The following SLC6A3 variants were observed in gnomAD, a reference collection of about 807,000 sequenced individuals.
SLC6A3 encodes solute carrier family 6 member 3, also known as sodium-dependent dopamine transporter.
Under a neutral mutation model 70.4 loss-of-function variants are expected in SLC6A3, and 19 were observed. The observed-to-expected ratio is 0.27, with a 90% CI of 0.19 to 0.40. The LOEUF (loss-of-function observed/expected upper bound fraction) is 0.40. Among genes scored for constraint, SLC6A3 ranks in the 10% least tolerant of loss-of-function variants. The pLI is 1.00. For missense variants in SLC6A3, 613 were observed against 838.5 expected (o/e 0.73, Z 3.32); for synonymous variants, 368 against 356.6 (o/e 1.03, Z -0.36).
Position 1,401,727 on chromosome 5 carries a change from C to T in SLC6A3, c.1768-741G>A, listed in dbSNP as rs1416361131. Among the ~76,000 whole-genome samples, 1 of 152,226 alleles carries T rather than the reference C, an allele frequency of 6.6e-6. No homozygotes were observed. The highest frequency in any genetic ancestry group is 1.5e-5 in the Non-Finnish European group (1 of 68,040). On this transcript the variant is annotated intron_variant, in intron 13 of 14. Transcript: ENST00000270349. The surrounding 1 kb of genome is among the most constrained non-coding windows in gnomAD (Gnocchi z 6.1). ...TAAGGGCGCTGGCTGTTCAGGTCCGCCGGGCTGTAGGCATCCTCCAGCTCT... is the reference window on the plus strand; with the variant it reads ...TAAGGGCGCTGGCTGTTCAGGTCCGTCGGGCTGTAGGCATCCTCCAGCTCT...
Position 1,406,427 on chromosome 5 carries a change from G to A in SLC6A3, c.1499-139C>T. 1.3e-6 allele frequency: 1 copy of A among 756,514 alleles called. No individual in the cohort carries two copies. The highest frequency in any genetic ancestry group is 2.0e-5 in the Admixed American group (1 of 50,528). 46.9% of individuals were successfully genotyped at this position (756,514 alleles called of 1,614,324 possible). The stretch of plus-strand genomic sequence containing the variant: ...TCGGCTGCACCCAGCCTCCTGCAGA[G>A]GAGGCCAGGCCACACCCCAGCCCAC... On this transcript the variant is annotated intron_variant, in intron 11 of 14. Coordinates refer to ENST00000270349, the MANE Select transcript of SLC6A3 (RefSeq NM_001044.5). The surrounding 1 kb of genome is among the most constrained non-coding windows in gnomAD (Gnocchi z 8.8).
chr5:1,401,318 G>C lies in SLC6A3; in HGVS notation c.1768-332C>G. 1 of 546,992 alleles carries C rather than the reference G, an allele frequency of 1.8e-6. No individual in the cohort carries two copies. Among genetic ancestry groups the C allele is most frequent in the Non-Finnish European group, 3.5e-6 (1 of 285,866 alleles). The allele number at this position is 546,992 out of a possible 1,614,324, so 33.9% of individuals were successfully genotyped here. The stretch of plus-strand genomic sequence containing the variant: ...ATGGCTCTTGAGTCTAAGCTACCAC[G>C]TGTGCTGGGCTCTGAGTAAGAAAGT... On this transcript the variant is annotated intron_variant, in intron 13 of 14. Transcript: ENST00000270349. This position sits in a 1 kb window ranked among gnomAD's most constrained non-coding sequence, Gnocchi z 6.1.
rs1756027748 is a variant in SLC6A3 at position 1,408,116 on chromosome 5, C to T, written c.1498+910G>A. On this transcript the variant is annotated intron_variant, in intron 11 of 14. Transcript: ENST00000270349. This position sits in a 1 kb window ranked among gnomAD's most constrained non-coding sequence, Gnocchi z 6.4. ...TCCGGGTTCAAGCTGAATCATATTC[C>T]ATCGTAAGTATACCATCAGTGTCTT... Among the ~76,000 whole-genome samples the T allele has an allele frequency of 6.6e-6, 1 of 152,022 alleles. No individual in the cohort carries two copies. Among genetic ancestry groups the T allele is most frequent in the African/African-American group, 2.4e-5 (1 of 41,366 alleles).
At chr5:1,415,951 C>G (rs1166588939) in intron 7 of SLC6A3, 147 bp downstream of exon 7, 2 of 698,604 alleles carry the variant, frequency 2.9e-6, no homozygotes, top group Non-Finnish European at 5.2e-6. Context: ...GCCTCGCTGT[C>G]GCTTCTGTCT....
chr5:1,422,106 A>G (rs1466350851), intron 4 of SLC6A3, 92 bp from the exon 5 acceptor site: 3 of 1,364,026 alleles, frequency 2.2e-6, no homozygotes, highest in Non-Finnish European at 3.1e-6. Context: ...TGCCCTCCCC[A>G]TCTCAGCAGG....
In SLC6A3 at chr5:1,394,838, G is replaced by C. The variant is rs1755677107; in HGVS notation, c.1840-80C>G. On this transcript the variant is annotated intron_variant, in intron 14 of 14. Coordinates refer to ENST00000270349, the MANE Select transcript of SLC6A3 (RefSeq NM_001044.5). This position sits in a 1 kb window ranked among gnomAD's most constrained non-coding sequence, Gnocchi z 4.7. ...CAGCTGAAGGTGGCTAAGAGCAGCT[G>C]AAGGCAGTGAGCAGACAGTTTGCAG... 3 of 1,498,260 alleles carry C rather than the reference G, an allele frequency of 2.0e-6. No individual in the cohort carries two copies. Among genetic ancestry groups the C allele is most frequent in the South Asian group, 1.1e-5 (1 of 88,656 alleles). The allele number at this position is 1,498,260 out of a possible 1,614,324, so 92.8% of individuals were successfully genotyped here.
chr5:1,425,037 G>C (rs1756547232), intron 4 of SLC6A3, among the ~76,000 whole-genome samples: 1 of 152,234 alleles, frequency 6.6e-6, no homozygotes, highest in South Asian at 2.1e-4. Flanking sequence ...GCAGGCCTAC[G>C]TGCAGGTGTT....
rs1733708718 is a variant in SLC6A3, at chr5:1,442,767, T to A, written c.286+145A>T. On this transcript the variant is annotated intron_variant, in intron 2 of 14. Transcript: ENST00000270349. This position sits in a 1 kb window ranked among gnomAD's most constrained non-coding sequence, Gnocchi z 5.0. ...GGTTTTGTGACATCCTCTGGGAGGA[T>A]CTGCACCGGCCGTGAGCTCTCACAG... 3 of 812,266 alleles carry A rather than the reference T, an allele frequency of 3.7e-6. No individual in the cohort carries two copies. Among genetic ancestry groups the A allele is most frequent in the Non-Finnish European group, 6.3e-6 (3 of 478,226 alleles). The allele number at this position is 812,266 out of a possible 1,614,324, so 50.3% of individuals were successfully genotyped here.
intron 11 of SLC6A3, among the ~76,000 whole-genome samples, chr5:1,408,000 AT>A (rs11362775): frequency 0.33 from 48,630 of 147,390 alleles, 9,034 homozygotes; most frequent in African/African-American, 0.52. Flanking sequence ...GGATCCACAC[AT>A]TTTTTTTTTT....
rs1052784707 is a variant in SLC6A3, at chr5:1,432,622, G to A, written c.495C>T (p.His165=). Residue 165 remains histidine (H), a synonymous_variant, in exon 4 of 15, where the codon CAC becomes CAT. Coordinates refer to ENST00000270349, the MANE Select transcript of SLC6A3 (RefSeq NM_001044.5). ...CCGTGGTGAAGGAGGAGAAGAGATAGTGCAGCGCCCAGGCGATGATGACGT... is the reference window on the plus strand; with the variant it reads ...CCGTGGTGAAGGAGGAGAAGAGATAATGCAGCGCCCAGGCGATGATGACGT... ...FYNVIIAWAL[H]YLFSSFTTEL... is the part of the protein sequence containing the mutation. 9.9e-6 allele frequency: 16 copies of A among 1,614,112 alleles called. No homozygotes were observed. The highest frequency in any genetic ancestry group is 8.3e-5 in the Admixed American group (5 of 60,006).
intron 14 of SLC6A3, among the ~76,000 whole-genome samples, chr5:1,395,161 C>T (rs1206832915): frequency 6.6e-6 from 1 of 152,136 alleles, no homozygotes; most frequent in Admixed American, 6.5e-5. Flanking sequence ...CACGTCCCTC[C>T]ACCTTCCTGG....
chr5:1,427,347 A>T (rs1756594756), intron 4 of SLC6A3, among the ~76,000 whole-genome samples: 1 of 152,220 alleles, frequency 6.6e-6, no homozygotes, highest in Non-Finnish European at 1.5e-5. Flanking sequence ...AGTGTTGTAA[A>T]CCCTATAAAA....
chr5:1,394,794 G>GA lies in SLC6A3; in HGVS notation c.1840-37_1840-36insT, dbSNP rs1755675121. 6.2e-7 allele frequency: 1 copy of GA among 1,613,496 alleles called. No individual in the cohort carries two copies. ...AACAGGTTTAGTCAGAAACCCTGGG[G>GA]CGATGCCCCATTTAAGAGCAGCTGA... On this transcript the variant is annotated intron_variant, in intron 14 of 14. Transcript: ENST00000270349. The surrounding 1 kb of genome is among the most constrained non-coding windows in gnomAD (Gnocchi z 4.7).
chr5:1,409,220 A>G lies in SLC6A3; in HGVS notation c.1399-95T>C, dbSNP rs1756056883. 6.6e-6 allele frequency: 6 copies of G among 908,626 alleles called. No individual in the cohort carries two copies. The East Asian group carries it at 1.3e-4, about 20-fold the overall frequency. 56.3% of individuals were successfully genotyped at this position (908,626 alleles called of 1,614,324 possible). ...ACTGTGCACACAAATTGTTTCACTC[A>G]CTGCAAAACTCTGGTTTGAGTCCCT... is the stretch of plus-strand genomic sequence containing the variant. On this transcript the variant is annotated intron_variant, in intron 10 of 14. Coordinates refer to ENST00000270349, the MANE Select transcript of SLC6A3 (RefSeq NM_001044.5).
At position 1,393,886 on chromosome 5, in the gene SLC6A3, C is replaced by G. The variant is rs374357838; in HGVS notation, c.*849G>C. The G allele has an allele frequency of 1.3e-5, 2 of 148,558 alleles. No homozygotes were observed. Among genetic ancestry groups the G allele is most frequent in the African/African-American group, 5.2e-5 (2 of 38,170 alleles). The allele number at this position is 148,558 out of a possible 1,614,324, so 9.2% of individuals were successfully genotyped here. A position where few individuals can be genotyped will look rare whatever the true frequency, so the allele number is the denominator to read the frequency against. ...CTCCTGTGGGGGCCCTGCATGCGTC[C>G]AGGGATAGGACATGCTCCTGTGGGG... On this transcript the variant is annotated 3_prime_UTR_variant, in exon 15 of 15. Coordinates refer to ENST00000270349, the MANE Select transcript of SLC6A3 (RefSeq NM_001044.5).
At chr5:1,423,796 G>A (rs549345430) in intron 4 of SLC6A3, among the ~76,000 whole-genome samples, 138 of 152,348 alleles carry the variant, frequency 9.1e-4, no homozygotes, top group Middle Eastern at 3.4e-3. Context: ...CAAGACAACT[G>A]TAACAGCCGT....
rs28382230 is a variant in SLC6A3 at position 1,441,146 on chromosome 5, C to A, written c.418+213G>T. Among the ~76,000 whole-genome samples, 1,411 of 152,328 alleles carry A rather than the reference C, an allele frequency of 9.3e-3. 29 individuals are homozygous for A. Among genetic ancestry groups the A allele is most frequent in the African/African-American group, 0.033 (1,363 of 41,562 alleles). ...ACAAAGTAACACCACAAATGAATTGCAGGACCCTCACCTAGAGCAAGGGAA... is the reference window on the plus strand; with the variant it reads ...ACAAAGTAACACCACAAATGAATTGAAGGACCCTCACCTAGAGCAAGGGAA... On this transcript the variant is annotated intron_variant, in intron 3 of 14. Transcript: ENST00000270349.
In SLC6A3 at chr5:1,442,829, C is replaced by T. The variant is rs2126414997; in HGVS notation, c.286+83G>A. ...TTCACGCATGGGAACAGCTTCATCT[C>T]GTTTCCGTACGTGCCTTGGCCCCGG... On this transcript the variant is annotated intron_variant, in intron 2 of 14. Coordinates refer to ENST00000270349, the MANE Select transcript of SLC6A3 (RefSeq NM_001044.5). This position sits in a 1 kb window ranked among gnomAD's most constrained non-coding sequence, Gnocchi z 5.0. 4.3e-6 allele frequency: 6 copies of T among 1,408,490 alleles called. No homozygotes were observed. In the South Asian group the frequency reaches 6.9e-5, roughly 16 times the overall value. The allele number at this position is 1,408,490 out of a possible 1,614,324, so 87.2% of individuals were successfully genotyped here.
Position 1,421,039 on chromosome 5 carries a change from G to A in SLC6A3, c.793-336C>T, listed in dbSNP as rs185216643. ...GTGAGTGGATTCACACTGGTGAACG[G>A]CACTGTGGCACGATGAAGGGCTGCT... On this transcript the variant is annotated intron_variant, in intron 5 of 14. Coordinates refer to ENST00000270349, the MANE Select transcript of SLC6A3 (RefSeq NM_001044.5). This position sits in a 1 kb window ranked among gnomAD's most constrained non-coding sequence, Gnocchi z 7.2. Among the ~76,000 whole-genome samples, 24 of 152,308 alleles carry A rather than the reference G, an allele frequency of 1.6e-4. No homozygotes were observed. In the East Asian group the frequency reaches 3.7e-3, roughly 23 times the overall value.
Sources: allele counts gnomAD v4.1 joint callset (sites outside exome capture counted in the v4.1 genomes callset), GRCh38; gene constraint gnomAD v4.1.1; non-coding constraint Gnocchi (gnomAD v3.1); transcripts MANE v1.5; gene names NCBI Gene and HGNC (gene_info 2026-07-23, HGNC 2026-07-21).